Variants in MSRA observed in about 807,000 individuals in gnomAD.
MSRA encodes the protein mitochondrial peptide methionine sulfoxide reductase.
A neutral mutation model predicts 31.3 loss-of-function variants in MSRA; 54 were observed. The observed-to-expected ratio is 1.73, with a 90% confidence interval of 1.39 to 2.17. The LOEUF (loss-of-function observed/expected upper bound fraction) is 2.17. Among genes scored for constraint, MSRA ranks in the 30% most tolerant of loss-of-function variants. The probability of loss-of-function intolerance (pLI) is 0.00; values close to 1 mark genes in which losing one functional copy is unlikely to be tolerated. For synonymous variants in MSRA, 169 were observed against 116.5 expected, an observed-to-expected ratio of 1.45 and a Z score of -2.90; for missense variants, 507 against 300.9, an observed-to-expected ratio of 1.69 and a Z score of -5.07.
intron 5 of MSRA, among the ~76,000 whole-genome samples, chr8:10,346,701 G>A (rs1803798381): frequency 6.6e-6 from 1 of 152,218 alleles, no homozygotes; most frequent in African/African-American, 2.4e-5. Context: ...GGAATCTTGT[G>A]TAATAGATTA....
chr8:10,189,223 G>A (rs1043178603), intron 1 of MSRA, among the ~76,000 whole-genome samples: 2 of 152,164 alleles, frequency 1.3e-5, no homozygotes, highest in South Asian at 4.1e-4. Flanking sequence ...CATTTGGTGA[G>A]CTTGGTAAAC....
intron 1 of MSRA, among the ~76,000 whole-genome samples, chr8:10,127,810 T>C (rs553210316): frequency 6.6e-5 from 10 of 152,318 alleles, no homozygotes; most frequent in South Asian, 2.1e-4. Context: ...CATGTAGATA[T>C]GAAAACCTCA....
At chr8:10,281,298 C>G (rs1300571767) in intron 3 of MSRA, among the ~76,000 whole-genome samples, 1 of 152,218 alleles carries the variant, frequency 6.6e-6, no homozygotes, top group African/African-American at 2.4e-5. Context: ...TCCCTCTCTG[C>G]CATTCTCCTG....
At chr8:10,304,036 A>G (rs1338468985) in intron 4 of MSRA, among the ~76,000 whole-genome samples, 1 of 152,190 alleles carries the variant, frequency 6.6e-6, no homozygotes, top group Non-Finnish European at 1.5e-5. Context: ...CCCAGGTGCA[A>G]GCAGTTCCCC....
rs527329517 is a variant in MSRA, at chr8:10,348,341, A to G, written c.543+28352A>G. ...GCCAAATGCCTATTTCCCAACTTAT[A>G]TCCAGAAATTATTGCCTTTTTTTTT... On this transcript the variant is annotated intron_variant, in intron 5 of 5. Transcript: ENST00000317173. Among the ~76,000 whole-genome samples, 18 of 131,674 alleles carry G rather than the reference A, an allele frequency of 1.4e-4. No homozygotes were observed. The East Asian group carries it at 3.8e-3, about 28-fold the overall frequency. The allele number at this position is 131,674 out of a possible 152,430, so 86.4% of individuals were successfully genotyped here.
At chr8:10,288,800 A>G (rs184695179) in intron 3 of MSRA, among the ~76,000 whole-genome samples, 21 of 152,328 alleles carry the variant, frequency 1.4e-4, no homozygotes, top group African/African-American at 3.1e-4. Flanking sequence ...ATAATGTACT[A>G]TCCAAGTTGG....
intron 2 of MSRA, among the ~76,000 whole-genome samples, chr8:10,221,038 C>T (rs1041916875): frequency 2.6e-5 from 4 of 152,194 alleles, no homozygotes; most frequent in Non-Finnish European, 4.4e-5. Context: ...ACACTGACAG[C>T]TCTGCAGTAC....
chr8:10,428,212 A>C lies in MSRA; in HGVS notation c.608A>C (p.Tyr203Ser), dbSNP rs1013986677. 6.8e-6 allele frequency: 11 copies of C among 1,614,042 alleles called. No individual in the cohort carries two copies. Among genetic ancestry groups the C allele is most frequent in the Non-Finnish European group, 8.5e-6 (10 of 1,180,040 alleles). ...ATCCGGGAGGGACAGACTTTCTACT[A>C]TGCGGAAGACTACCACCAGCAGTAC... The part of the protein sequence containing the change: ...TDIREGQTFY[Y>S]AEDYHQQYLS... Residue 203 changes from tyrosine (Y) to serine (S), a missense_variant, in exon 6 of 6, where the codon TAT becomes TCT. Tyr to Ser is a moderately radical substitution (Grantham distance 144, BLOSUM62 -2). Coordinates refer to ENST00000317173, the MANE Select transcript of MSRA (RefSeq NM_012331.5).
At chr8:10,345,668 T>C (rs894496022) in intron 5 of MSRA, among the ~76,000 whole-genome samples, 3 of 152,252 alleles carry the variant, frequency 2.0e-5, no homozygotes, top group African/African-American at 7.2e-5. Flanking sequence ...ACATCTCTGT[T>C]ACATATTGCA....
intron 1 of MSRA, among the ~76,000 whole-genome samples, chr8:10,157,984 T>G (rs914492289): frequency 1.3e-5 from 2 of 152,204 alleles, no homozygotes; most frequent in Admixed American, 1.3e-4. Context: ...GCAACAGAGA[T>G]AAATTTCTCA....
intron 5 of MSRA, among the ~76,000 whole-genome samples, chr8:10,427,290 C>A (rs1809236756): frequency 6.6e-6 from 1 of 152,192 alleles, no homozygotes; most frequent in Non-Finnish European, 1.5e-5. Context: ...CAGCTGAAAT[C>A]CAAAGGGGAG....
At chr8:10,121,404 T>C (rs1390261395) in intron 1 of MSRA, among the ~76,000 whole-genome samples, 1 of 152,168 alleles carries the variant, frequency 6.6e-6, no homozygotes, top group Non-Finnish European at 1.5e-5. Context: ...CCTAAACAAC[T>C]GTGCGACTTT....
At chr8:10,393,740 A>T (rs1806913492) in intron 5 of MSRA, among the ~76,000 whole-genome samples, 1 of 152,260 alleles carries the variant, frequency 6.6e-6, no homozygotes, top group Non-Finnish European at 1.5e-5. Flanking sequence ...TAATGGAGTC[A>T]GCACGTGGTT....
chr8:10,077,899 A>G (rs1312974728), intron 1 of MSRA, among the ~76,000 whole-genome samples: 5 of 152,162 alleles, frequency 3.3e-5, no homozygotes, highest in African/African-American at 1.2e-4. Flanking sequence ...TTGTTGCTAC[A>G]GTATTTATAT....
At chr8:10,388,156 TGGCTGGAATTTG>T (rs1806510291) in intron 5 of MSRA, among the ~76,000 whole-genome samples, 1 of 152,072 alleles carries the variant, frequency 6.6e-6, no homozygotes, top group South Asian at 2.1e-4. Flanking sequence ...TTCAAAGAGG[TGGCTGGAATTTG>T]GGCTTCAATA....
intron 4 of MSRA, among the ~76,000 whole-genome samples, chr8:10,305,758 G>C (rs185411253): frequency 1.3e-5 from 2 of 152,266 alleles, no homozygotes; most frequent in East Asian, 3.9e-4. Flanking sequence ...GTAAGTGAGA[G>C]ATTGGAAGGT....
intron 1 of MSRA, among the ~76,000 whole-genome samples, chr8:10,118,741 C>G (rs1179521266): frequency 6.6e-6 from 1 of 152,188 alleles, no homozygotes; most frequent in Non-Finnish European, 1.5e-5. Flanking sequence ...TGGTGGACTT[C>G]TACACGTCCC....
chr8:10,350,516 A>G (rs1804062323), intron 5 of MSRA, among the ~76,000 whole-genome samples: 4 of 152,162 alleles, frequency 2.6e-5, no homozygotes, highest in Admixed American at 2.6e-4. Flanking sequence ...TACTATTAAG[A>G]TGGATTTTAG....
At chr8:10,320,145 T>C in intron 5 of MSRA, 156 bp downstream of exon 5, 1 of 536,510 alleles carries the variant, frequency 1.9e-6, no homozygotes. Flanking sequence ...GGAGCCATTG[T>C]GTCTAATACG....
Sources: gnomAD v4.1 joint callset for allele counts (sites outside exome capture counted in the v4.1 genomes callset) on GRCh38, gnomAD v4.1.1 for gene constraint, MANE v1.5 for transcripts, NCBI Gene and HGNC (gene_info 2026-07-23, HGNC 2026-07-21) for gene names.